Variants in GAB1 observed in about 807,000 individuals in gnomAD.
The protein encoded by GAB1 is GRB2-associated-binding protein 1.
A neutral mutation model predicts 66.5 loss-of-function variants in GAB1; 19 were observed. The observed-to-expected ratio is 0.29, with a 90% confidence interval of 0.20 to 0.42. GAB1 has a LOEUF of 0.42. Among genes scored for constraint, GAB1 ranks in the 10% least tolerant of loss-of-function variants. The pLI, the probability that GAB1 is intolerant of heterozygous loss-of-function variation, is 1.00. For missense variants in GAB1, 732 were observed against 858.5 expected (o/e 0.85, Z 1.84); for synonymous variants, 294 against 301.4 (o/e 0.98, Z 0.25).
At chr4:143,353,614 A>G (rs1333555015) in intron 1 of GAB1, among the ~76,000 whole-genome samples, 1 of 145,364 alleles carries the variant, frequency 6.9e-6, no homozygotes, top group South Asian at 2.1e-4. Flanking sequence ...TTTTTGACAT[A>G]TTATTTCCAT....
In GAB1 at chr4:143,365,623, C is replaced by G. The variant is rs59923712; in HGVS notation, c.72+28363C>G. Among the ~76,000 whole-genome samples, 822 of 152,306 alleles carry G rather than the reference C, an allele frequency of 5.4e-3. 14 individuals carry two copies. Among genetic ancestry groups the G allele is most frequent in the African/African-American group, 0.019 (785 of 41,560 alleles). On this transcript the variant is annotated intron_variant, in intron 1 of 9. Transcript: ENST00000262994. The stretch of plus-strand genomic sequence containing the variant: ...TTGAAGGGGCCTGCCTCCTGGCCAG[C>G]AGCAAGAACATGGTTCCCACAATGG...
chr4:143,439,674 T>C, intron 4 of GAB1, 128 bp from the exon 5 acceptor site: 1 of 649,812 alleles, frequency 1.5e-6, no homozygotes, highest in Non-Finnish European at 2.7e-6. Context: ...GAGCATCCTT[T>C]TTAAAATTCT....
chr4:143,373,868 A>AATAAATAAATAAATAAATATATAT, intron 1 of GAB1, among the ~76,000 whole-genome samples: 7 of 93,696 alleles, frequency 7.5e-5, no homozygotes, highest in African/African-American at 2.8e-4. Flanking sequence ...TAAATAAATA[A>AATAAATAAATAAATAAATATATAT]ATATATATAT....
At chr4:143,419,649 A>G (rs17017767) in intron 2 of GAB1, among the ~76,000 whole-genome samples, 5 of 152,142 alleles carry the variant, frequency 3.3e-5, no homozygotes, top group Non-Finnish European at 7.4e-5. Flanking sequence ...GTATCTAAGG[A>G]CTTTAATCTG....
At chr4:143,349,403 T>A (rs1447851312) in intron 1 of GAB1, 4 of 1,054,812 alleles carry the variant, frequency 3.8e-6, no homozygotes, top group Non-Finnish European at 5.8e-6. Flanking sequence ...AGGTCAGGGG[T>A]CAGATAGCTG....
chr4:143,389,055 C>T (rs986864598), intron 1 of GAB1, among the ~76,000 whole-genome samples: 1 of 152,166 alleles, frequency 6.6e-6, no homozygotes, highest in Non-Finnish European at 1.5e-5. Context: ...AGGGACACAC[C>T]TGACTGCACA....
At position 143,469,361 on chromosome 4, in the gene GAB1, T is replaced by TC. The variant is rs1337357083; in HGVS notation, c.*172_*173insC. ...TTTAGACTTAAGTGGTGCTTTGTGG[T>TC]ATCTGAACAATTCATAACATGTAAA... On this transcript the variant is annotated 3_prime_UTR_variant, in exon 10 of 10. Transcript: ENST00000262994. 6.1e-5 allele frequency: 37 copies of TC among 607,480 alleles called. No homozygotes were observed. Among genetic ancestry groups the TC allele is most frequent in the Non-Finnish European group, 9.7e-5 (34 of 350,082 alleles). 37.6% of individuals were successfully genotyped at this position (607,480 alleles called of 1,614,324 possible).
chr4:143,403,551 A>G lies in GAB1; in HGVS notation c.73-11926A>G, dbSNP rs1206495536. On this transcript the variant is annotated intron_variant, in intron 1 of 9. Transcript: ENST00000262994. The stretch of plus-strand genomic sequence containing the variant: ...CTTGTATGGTGAGATCATTATCTGC[A>G]TGGTGCATGCATGAAGAATCGTTTT... Among the ~76,000 whole-genome samples, 4 of 152,236 alleles carry G rather than the reference A, an allele frequency of 2.6e-5. No homozygotes were observed. In the East Asian group the frequency reaches 7.7e-4, roughly 29 times the overall value.
At chr4:143,440,449 T>A in intron 6 of GAB1, 67 bp downstream of exon 6, 1 of 1,394,996 alleles carries the variant, frequency 7.2e-7, no homozygotes, top group Non-Finnish European at 9.7e-7. Context: ...TAACTGCCAT[T>A]AAATCCAAAA....
rs1391229884 is a variant in GAB1 at position 143,438,589 on chromosome 4, A to G, written c.1184A>G (p.Lys395Arg). 2 of 1,612,644 alleles carry G rather than the reference A, an allele frequency of 1.2e-6. No homozygotes were observed. Among genetic ancestry groups the G allele is most frequent in the South Asian group, 1.1e-5 (1 of 90,860 alleles). The change falls in exon 4 of 10, where the codon AAA becomes AGA. Residue 395 changes from lysine (K) to arginine (R), a missense_variant. Lys to Arg is a conservative substitution (Grantham distance 26). Coordinates refer to ENST00000262994, the MANE Select transcript of GAB1 (RefSeq NM_002039.4). Reference protein sequence around the residue: ...SNTISTVDLNKLRKDASSQDC... With the variant: ...SNTISTVDLNRLRKDASSQDC... ...ACCATTTCCACTGTGGATTTAAACA[A>G]ATTGCGAAAAGGTCAGCTCTAGTTG...
chr4:143,382,033 G>T (rs1157133092), intron 1 of GAB1: 2 of 152,208 alleles, frequency 1.3e-5, no homozygotes, highest in Non-Finnish European at 2.9e-5. Context: ...CATGAAAGGT[G>T]TGTTTGCTTT....
intron 2 of GAB1, among the ~76,000 whole-genome samples, chr4:143,417,815 A>G (rs1732778478): frequency 6.6e-6 from 1 of 152,228 alleles, no homozygotes; most frequent in African/African-American, 2.4e-5. Context: ...AGTTTTGTAG[A>G]GCCAAGAATC....
chr4:143,374,114 G>A (rs1053315827), intron 1 of GAB1, among the ~76,000 whole-genome samples: 1 of 151,560 alleles, frequency 6.6e-6, no homozygotes, highest in African/African-American at 2.4e-5. Flanking sequence ...AAGGAGTTTG[G>A]TGTCGTATTT....
At chr4:143,376,857 A>G (rs1033681130) in intron 1 of GAB1, 1 of 152,216 alleles carries the variant, frequency 6.6e-6, no homozygotes, top group Non-Finnish European at 1.5e-5. Flanking sequence ...ACTGAGACGC[A>G]TTGGGACTGA....
chr4:143,440,394 A>G lies in GAB1; in HGVS notation c.1585+12A>G. 1.3e-6 allele frequency: 2 copies of G among 1,585,700 alleles called. No individual in the cohort carries two copies. Among genetic ancestry groups the G allele is most frequent in the Non-Finnish European group, 8.6e-7 (1 of 1,166,836 alleles). On this transcript the variant is annotated intron_variant, in intron 6 of 9. Coordinates refer to ENST00000262994, the MANE Select transcript of GAB1 (RefSeq NM_002039.4). Reference sequence around the variant, plus strand: ...GCCAGACAGAAAAGGTAAGGAGAGCATGGCAAAGTAAAAGGCTTGGGGAGT... The same window carrying G: ...GCCAGACAGAAAAGGTAAGGAGAGCGTGGCAAAGTAAAAGGCTTGGGGAGT...
rs561991809 is a variant in GAB1, at chr4:143,349,449, G to A, written c.72+12189G>A. ...AAATGGCATCAAAGGTGGCCTTGGC[G>A]AAGTTGCCCAGGGTGGCAGTGCAGC... On this transcript the variant is annotated intron_variant, in intron 1 of 9. Coordinates refer to ENST00000262994, the MANE Select transcript of GAB1 (RefSeq NM_002039.4). The A allele has an allele frequency of 3.1e-4, 428 of 1,359,340 alleles. 1 individual carries two copies. In the East Asian group the frequency reaches 7.4e-3, roughly 24 times the overall value. 84.2% of individuals were successfully genotyped at this position (1,359,340 alleles called of 1,614,324 possible).
intron 6 of GAB1, chr4:143,457,756 T>C (rs774830780): frequency 1.2e-5 from 19 of 1,566,310 alleles, no homozygotes; most frequent in Non-Finnish European, 1.6e-5. Context: ...GTGACTTTGC[T>C]ACAAGAAGAA....
In GAB1 at chr4:143,433,990, G is replaced by A. The variant is rs1733811524; in HGVS notation, c.593+274G>A. On this transcript the variant is annotated intron_variant, in intron 3 of 9. Transcript: ENST00000262994. ...CTTTTGGAAATCTGTCTCCTATTTT[G>A]TAGTCTTTGTTACAGACTCACAGTA... is the stretch of plus-strand genomic sequence containing the variant. 2.0e-5 allele frequency: 14 copies of A among 692,320 alleles called. No individual in the cohort carries two copies. The South Asian group carries it at 2.6e-4, about 13-fold the overall frequency. The allele number at this position is 692,320 out of a possible 1,614,324, so 42.9% of individuals were successfully genotyped here.
At chr4:143,467,322 G>C (rs1339722746) in intron 9 of GAB1, among the ~76,000 whole-genome samples, 2 of 152,020 alleles carry the variant, frequency 1.3e-5, no homozygotes, top group African/African-American at 4.8e-5. Flanking sequence ...CTGTATCTTT[G>C]GTATTCTACA....
Sources: gnomAD v4.1 joint callset for allele counts (sites outside exome capture counted in the v4.1 genomes callset) on GRCh38, gnomAD v4.1.1 for gene constraint, MANE v1.5 for transcripts, NCBI Gene and HGNC (gene_info 2026-07-23, HGNC 2026-07-21) for gene names.